OSBPL2: variants seen among roughly 807,000 people sequenced by gnomAD.
OSBPL2 encodes the protein oxysterol-binding protein-related protein 2.
A neutral mutation model predicts 58.4 loss-of-function variants in OSBPL2; 18 were observed. That is an observed-to-expected ratio of 0.31 (90% confidence interval 0.21 to 0.46). The LOEUF is 0.46. Ranked by LOEUF, OSBPL2 falls within the 20% of genes least tolerant of loss-of-function variation. The pLI is 1.00. For missense variants in OSBPL2, 461 were observed against 616.5 expected (o/e 0.75, Z 2.67); for synonymous variants, 221 against 234.1 (o/e 0.94, Z 0.51).
chr20:62,279,111 A>C, intron 6 of OSBPL2, 46 bp from the exon 7 acceptor site: 1 of 1,526,502 alleles, frequency 6.6e-7, no homozygotes, highest in Non-Finnish European at 8.9e-7. Context: ...CCTTTCTTTT[A>C]TTTTGCTGCC....
At chr20:62,290,838 A>G (rs1275168988) in intron 12 of OSBPL2, among the ~76,000 whole-genome samples, 1 of 146,626 alleles carries the variant, frequency 6.8e-6, no homozygotes, top group East Asian at 2.0e-4. Flanking sequence ...CACAGGTTCA[A>G]GAGATTCTCC....
intron 4 of OSBPL2, chr20:62,271,616 T>A (rs1399398848): frequency 1.3e-5 from 2 of 154,968 alleles, no homozygotes; most frequent in African/African-American, 4.8e-5. Context: ...CATGCACAGC[T>A]AATTTTTGAA....
chr20:62,285,273 T>A (rs1038448603), intron 10 of OSBPL2: 1 of 152,224 alleles, frequency 6.6e-6, no homozygotes, highest in African/African-American at 2.4e-5. Context: ...TTTAGCGATG[T>A]CTTTTGATGC....
At chr20:62,248,271 C>T (rs995764747) in intron 1 of OSBPL2, among the ~76,000 whole-genome samples, 2 of 151,476 alleles carry the variant, frequency 1.3e-5, no homozygotes, top group African/African-American at 4.9e-5. Context: ...TCTCCCACCT[C>T]AGCCTCCTGG....
rs368308153 is a variant in OSBPL2 at position 62,281,204 on chromosome 20, C to T, written c.782+39C>T. ...ACCGTTGGGTGAGAGCGCGAGGCTC[C>T]GGGTGGGGATGGGCGAGCCGGGGAG... On this transcript the variant is annotated intron_variant, in intron 8 of 13. Transcript: ENST00000313733. 134 of 1,475,554 alleles carry T rather than the reference C, an allele frequency of 9.1e-5. 2 individuals are homozygous for T. The South Asian group carries it at 1.2e-3, about 13-fold the overall frequency. 91.4% of individuals were successfully genotyped at this position (1,475,554 alleles called of 1,614,324 possible). A position where few individuals can be genotyped will look rare whatever the true frequency, so the allele number is the denominator to read the frequency against.
At chr20:62,240,384 T>A (rs1979648356) in intron 1 of OSBPL2, among the ~76,000 whole-genome samples, 1 of 152,212 alleles carries the variant, frequency 6.6e-6, no homozygotes, top group Non-Finnish European at 1.5e-5. Context: ...TGACAGCTCT[T>A]ACCCCAGCAG....
At chr20:62,280,750 G>A (rs1203551505) in intron 7 of OSBPL2, among the ~76,000 whole-genome samples, 3 of 152,232 alleles carry the variant, frequency 2.0e-5, no homozygotes, top group Admixed American at 6.5e-5. Flanking sequence ...TGTGTGTTTC[G>A]TGAGGTGGCC....
chr20:62,293,412 T>C (rs762611347), intron 13 of OSBPL2, among the ~76,000 whole-genome samples: 1 of 152,184 alleles, frequency 6.6e-6, no homozygotes, highest in Non-Finnish European at 1.5e-5. Context: ...AAAAAACCAA[T>C]ACTTGGTTTG....
intron 3 of OSBPL2, among the ~76,000 whole-genome samples, chr20:62,261,944 C>T (rs947559214): frequency 1.3e-5 from 2 of 152,020 alleles, no homozygotes; most frequent in African/African-American, 4.8e-5. Flanking sequence ...TTTTTAGTAG[C>T]GACAGGGTTC....
At chr20:62,293,566 G>A (rs1186971046) in intron 13 of OSBPL2, among the ~76,000 whole-genome samples, 1 of 152,250 alleles carries the variant, frequency 6.6e-6, no homozygotes, top group African/African-American at 2.4e-5. Flanking sequence ...TTGTTGGGAA[G>A]TGAAATTGAC....
At chr20:62,281,718 T>C in intron 8 of OSBPL2, 72 bp from the exon 9 acceptor site, 1 of 1,177,264 alleles carries the variant, frequency 8.5e-7, no homozygotes, top group Non-Finnish European at 1.3e-6. Context: ...ACCGCGCTTC[T>C]CCTGTTACAG....
chr20:62,266,079 ACC>A (rs1203263776), intron 4 of OSBPL2, among the ~76,000 whole-genome samples: 2 of 152,204 alleles, frequency 1.3e-5, no homozygotes, highest in African/African-American at 4.8e-5. Context: ...CTGTGATTTC[ACC>A]ACTGTGCTCC....
chr20:62,263,625 G>C lies in OSBPL2; in HGVS notation c.192G>C (p.Leu64=), dbSNP rs753310977. ...ENGIQKHRTS[L]PAPMFSRSDF... ...CTTTTGTGCTTCGCAGGACATCGCT[G>C]CCGGCTCCCATGTTCAGCAGAAGCG... The change falls in exon 4 of 14, where the codon CTG becomes CTC. Residue 64 remains leucine (L), a synonymous_variant. Transcript: ENST00000313733. 6.2e-7 allele frequency: 1 copy of C among 1,614,036 alleles called. No individual in the cohort carries two copies. Among genetic ancestry groups the C allele is most frequent in the Non-Finnish European group, 8.5e-7 (1 of 1,179,996 alleles).
Position 62,293,945 on chromosome 20 carries a change from G to C in OSBPL2, c.*58G>C. ...GGCTGACGAGGCTGGACTTCCTCGA[G>C]TGGCCACTGTGAGCCTCGTCACAGC... On this transcript the variant is annotated 3_prime_UTR_variant, in exon 14 of 14. Coordinates refer to ENST00000313733, the MANE Select transcript of OSBPL2 (RefSeq NM_144498.4). The C allele has an allele frequency of 6.3e-7, 1 of 1,586,734 alleles. No individual in the cohort carries two copies. Among genetic ancestry groups the C allele is most frequent in the Non-Finnish European group, 8.6e-7 (1 of 1,168,180 alleles).
chr20:62,272,924 CTG>C (rs1982157981), intron 5 of OSBPL2, among the ~76,000 whole-genome samples: 1 of 152,188 alleles, frequency 6.6e-6, no homozygotes, highest in Non-Finnish European at 1.5e-5. Flanking sequence ...AAGTGTGTGA[CTG>C]TGGGTGCACA....
At position 62,262,429 on chromosome 20, in the gene OSBPL2, G is replaced by A. The variant is rs139381854; in HGVS notation, c.183-1187G>A. ...ACGCATCCCATCTCCATGCAGGGTC[G>A]TATCCTTGGGGGATGCGACCTGACC... On this transcript the variant is annotated intron_variant, in intron 3 of 13. Coordinates refer to ENST00000313733, the MANE Select transcript of OSBPL2 (RefSeq NM_144498.4). 2.2e-3 allele frequency among the ~76,000 whole-genome samples: 338 copies of A among 152,280 alleles called. 2 individuals carry two copies. The highest frequency in any genetic ancestry group is 6.9e-3 in the African/African-American group (285 of 41,552).
chr20:62,264,468 G>A (rs1216698524), intron 4 of OSBPL2, among the ~76,000 whole-genome samples: 3 of 152,176 alleles, frequency 2.0e-5, no homozygotes, highest in East Asian at 1.9e-4. Context: ...CTGGGCCAGC[G>A]CTTGATGCCT....
intron 1 of OSBPL2, among the ~76,000 whole-genome samples, chr20:62,249,448 A>G (rs1191931524): frequency 6.6e-6 from 1 of 152,256 alleles, no homozygotes. Context: ...GGAAGAACAT[A>G]TTCAGGAAAT....
At chr20:62,239,487 G>T (rs1241134274) in intron 1 of OSBPL2, among the ~76,000 whole-genome samples, 2 of 152,198 alleles carry the variant, frequency 1.3e-5, no homozygotes, top group African/African-American at 4.8e-5. Flanking sequence ...TCACCTCCCA[G>T]GGGCGTTTCT....
Sources: gnomAD v4.1 joint callset for allele counts (sites outside exome capture counted in the v4.1 genomes callset) on GRCh38, gnomAD v4.1.1 for gene constraint, MANE v1.5 for transcripts, NCBI Gene and HGNC (gene_info 2026-07-23, HGNC 2026-07-21) for gene names.